Variants in ZDHHC14 observed in about 807,000 individuals in gnomAD.
The protein encoded by ZDHHC14 is palmitoyltransferase ZDHHC14.
A neutral mutation model predicts 47.7 loss-of-function variants in ZDHHC14; 16 were observed. The observed-to-expected ratio is 0.34, with a 90% CI of 0.23 to 0.51. ZDHHC14 has a LOEUF of 0.51. Ranked by LOEUF, ZDHHC14 falls within the 20% of genes least tolerant of loss-of-function variation. The pLI is 0.97. For missense variants in ZDHHC14, 515 were observed against 662.5 expected (o/e 0.78, Z 2.44); for synonymous variants, 293 against 278.9 (o/e 1.05, Z -0.50).
intron 2 of ZDHHC14, among the ~76,000 whole-genome samples, chr6:157,590,970 A>C (rs1783886019): frequency 6.6e-6 from 1 of 152,238 alleles, no homozygotes; most frequent in Admixed American, 6.5e-5. Flanking sequence ...TGGAACTTTA[A>C]GCTTTAATGA....
At chr6:157,594,847 A>T (rs903075049) in intron 3 of ZDHHC14, among the ~76,000 whole-genome samples, 3 of 152,298 alleles carry the variant, frequency 2.0e-5, no homozygotes, top group Admixed American at 1.3e-4. Context: ...GGAGCACAGC[A>T]TCTTAAATAT....
chr6:157,541,329 G>T (rs914246745), intron 1 of ZDHHC14, among the ~76,000 whole-genome samples: 7 of 152,138 alleles, frequency 4.6e-5, no homozygotes, highest in Admixed American at 2.6e-4. Flanking sequence ...TCAGCAAAGG[G>T]GATCACGGCT....
In ZDHHC14 at chr6:157,593,101, CG is replaced by C; in HGVS notation, c.522del (p.Pro176LeufsTer13). The C allele has an allele frequency of 6.2e-7, 1 of 1,614,102 alleles. No homozygotes were observed. Among genetic ancestry groups the C allele is most frequent in the Non-Finnish European group, 8.5e-7 (1 of 1,179,984 alleles). ...ATACTGTTTCACCTGCAAGATTTTC[CG>C]GCCCCCTCGCGCCTCCCATTGCAGC... ...LKYCFTCKIF[R>X]PPRASHCSLC... On this transcript the variant is annotated frameshift_variant, in exon 3 of 9. Transcript: ENST00000359775. LOFTEE classifies it high-confidence loss of function.
chr6:157,551,671 C>A (rs930790941), intron 2 of ZDHHC14, among the ~76,000 whole-genome samples: 1 of 152,216 alleles, frequency 6.6e-6, no homozygotes, highest in Admixed American at 6.5e-5. Flanking sequence ...CCTCCTGTGA[C>A]CTTCCTCTAC....
intron 5 of ZDHHC14, among the ~76,000 whole-genome samples, chr6:157,636,361 G>GTA (rs10664458): frequency 1.3e-5 from 2 of 150,366 alleles, no homozygotes; most frequent in African/African-American, 4.9e-5. Flanking sequence ...GTGTGTGTGT[G>GTA]CATGCATCTA....
chr6:157,609,231 C>A (rs1333026894), intron 3 of ZDHHC14, among the ~76,000 whole-genome samples: 1 of 152,136 alleles, frequency 6.6e-6, no homozygotes, highest in Non-Finnish European at 1.5e-5. Context: ...CTCCAAAGAG[C>A]CAGAGCTGAG....
intron 1 of ZDHHC14, among the ~76,000 whole-genome samples, chr6:157,449,447 T>C (rs1778752862): frequency 6.6e-6 from 1 of 152,176 alleles, no homozygotes; most frequent in South Asian, 2.1e-4. Flanking sequence ...GTTGGATGGG[T>C]TTGGCAAATA....
chr6:157,672,835 A>G lies in ZDHHC14; in HGVS notation c.1180A>G (p.Lys394Glu). Residue 394 changes from lysine (K) to glutamate (E), a missense_variant, in exon 9 of 9, where the codon AAG becomes GAG. Physicochemically the swap from Lys to Glu is moderately conservative, Grantham distance 56 (BLOSUM62 1). This residue lies in a region of ZDHHC14 where 221 missense variants were observed against 233.6 expected (regional missense o/e 0.95). Transcript: ENST00000359775. ...CAGCGACGAGCTGCACCTGCCCGGG[A>G]AGCCTGGCCTGGGCACGCCCTGCGC... ...LTSDELHLPG[K>E]PGLGTPCASL... The G allele has an allele frequency of 1.2e-6, 2 of 1,611,674 alleles. No homozygotes were observed. The highest frequency in any genetic ancestry group is 1.7e-6 in the Non-Finnish European group (2 of 1,179,436).
At chr6:157,569,233 A>G (rs190269015) in intron 2 of ZDHHC14, among the ~76,000 whole-genome samples, 19 of 152,120 alleles carry the variant, frequency 1.2e-4, no homozygotes, top group Non-Finnish European at 1.6e-4. Context: ...AGATAAGTTT[A>G]TGTATATTTT....
In ZDHHC14 at chr6:157,460,057, CAAAAA is replaced by C. The variant is rs35995673; in HGVS notation, c.245+77806_245+77810del. 4.0e-3 allele frequency among the ~76,000 whole-genome samples: 474 copies of C among 118,188 alleles called. 2 individuals are homozygous for C. Among genetic ancestry groups the C allele is most frequent in the Non-Finnish European group, 4.9e-3 (282 of 57,948 alleles). 77.5% of individuals were successfully genotyped at this position (118,188 alleles called of 152,430 possible). On this transcript the variant is annotated intron_variant, in intron 1 of 8. Coordinates refer to ENST00000359775, the MANE Select transcript of ZDHHC14 (RefSeq NM_024630.3). ...TGAAACCCTGTCTCTACTAAAAATA[CAAAAA>C]AAAAAAAAAAAAAATAGCCAGGTCT... is the stretch of plus-strand genomic sequence containing the variant.
chr6:157,404,168 G>A (rs1488691304), intron 1 of ZDHHC14, among the ~76,000 whole-genome samples: 2 of 152,072 alleles, frequency 1.3e-5, no homozygotes, highest in African/African-American at 2.4e-5. Context: ...AGAGAGTCTC[G>A]CTCTGTCACC....
intron 1 of ZDHHC14, among the ~76,000 whole-genome samples, chr6:157,411,752 TAAAAAAAA>T (rs10719123): frequency 7.2e-6 from 1 of 139,492 alleles, no homozygotes; most frequent in East Asian, 2.1e-4. Flanking sequence ...ATGTTCATGG[TAAAAAAAA>T]AAAAAAAAAA....
intron 8 of ZDHHC14, among the ~76,000 whole-genome samples, chr6:157,658,864 C>T (rs1003171840): frequency 6.6e-6 from 1 of 152,120 alleles, no homozygotes; most frequent in African/African-American, 2.4e-5. Context: ...TCTTCTGTCT[C>T]GAAAAGTTTG....
chr6:157,420,425 G>A (rs1049669840), intron 1 of ZDHHC14, among the ~76,000 whole-genome samples: 2 of 150,984 alleles, frequency 1.3e-5, no homozygotes, highest in African/African-American at 4.9e-5. Context: ...AGGAGAGAAG[G>A]TATAGTCATT....
intron 1 of ZDHHC14, among the ~76,000 whole-genome samples, chr6:157,431,090 A>G (rs1778330543): frequency 6.6e-6 from 1 of 152,194 alleles, no homozygotes; most frequent in Non-Finnish European, 1.5e-5. Context: ...ACGGGACACA[A>G]GGTGAAAGGA....
chr6:157,641,702 A>G (rs1005153583), intron 5 of ZDHHC14, among the ~76,000 whole-genome samples: 19 of 152,360 alleles, frequency 1.2e-4, no homozygotes, highest in African/African-American at 4.3e-4. Context: ...ACAATCTGTC[A>G]ATCTCATACT....
chr6:157,649,811 G>A (rs911281794), intron 7 of ZDHHC14, among the ~76,000 whole-genome samples: 4 of 152,332 alleles, frequency 2.6e-5, no homozygotes, highest in East Asian at 1.9e-4. Context: ...TAAGCCTGGC[G>A]GGAGGAATGG....
At chr6:157,504,190 A>G (rs1292430277) in intron 1 of ZDHHC14, among the ~76,000 whole-genome samples, 1 of 79,016 alleles carries the variant, frequency 1.3e-5, no homozygotes, top group Non-Finnish European at 2.4e-5. Context: ...GGGCATATAT[A>G]TATTTTTTTT....
At chr6:157,412,097 T>C (rs1293119229) in intron 1 of ZDHHC14, among the ~76,000 whole-genome samples, 1 of 151,230 alleles carries the variant, frequency 6.6e-6, no homozygotes, top group Non-Finnish European at 1.5e-5. Context: ...CACCACCATG[T>C]CCAGCTAATT....
Sources: gnomAD v4.1 joint callset for allele counts (sites outside exome capture counted in the v4.1 genomes callset) on GRCh38, gnomAD v4.1.1 for gene constraint, gnomAD v4.1.1 regional missense constraint, MANE v1.5 for transcripts, NCBI Gene and HGNC (gene_info 2026-07-23, HGNC 2026-07-21) for gene names.